Variants in BRF1 observed in about 807,000 individuals in gnomAD.
BRF1 encodes the protein transcription factor IIIB 90 kDa subunit.
A neutral mutation model predicts 81.7 loss-of-function variants in BRF1; 59 were observed. That is an observed-to-expected ratio of 0.72 (90% CI 0.59 to 0.90). BRF1 has a LOEUF of 0.90. BRF1 is among the 40% of genes least tolerant of loss of function. The probability of loss-of-function intolerance (pLI) is 0.00; values close to 1 mark genes in which losing one functional copy is unlikely to be tolerated. For synonymous variants in BRF1, 491 were observed against 395.6 expected (o/e 1.24, Z -2.86); for missense variants, 1,050 against 936.3 (o/e 1.12, Z -1.58).
chr14:105,219,359 A>C, intron 12 of BRF1, 127 bp from the exon 13 acceptor site: 1 of 1,512,296 alleles, frequency 6.6e-7, no homozygotes, highest in Non-Finnish European at 8.9e-7. Context: ...GCCTCTATTT[A>C]GTGCGGAGCC....
Position 105,210,939 on chromosome 14 carries a change from C to G in BRF1, c.1996+183G>C, listed in dbSNP as rs587721912. On this transcript the variant is annotated intron_variant, in intron 17 of 17. Transcript: ENST00000547530. This position sits in a 1 kb window ranked among gnomAD's most constrained non-coding sequence, Gnocchi z 4.7. The stretch of plus-strand genomic sequence containing the variant: ...CTCACCGTCCCTAGCCTCTCTGACC[C>G]TGGCTGCCTCCAACCTCACAATCGA... Among the ~76,000 whole-genome samples the G allele has an allele frequency of 1.3e-5, 2 of 152,330 alleles. No individual in the cohort carries two copies. The highest frequency in any genetic ancestry group is 1.3e-4 in the Admixed American group (2 of 15,310).
intron 10 of BRF1, among the ~76,000 whole-genome samples, chr14:105,224,393 C>T (rs1354461625): frequency 6.6e-6 from 1 of 152,138 alleles, no homozygotes; most frequent in African/African-American, 2.4e-5. Flanking sequence ...CCATGTGTAA[C>T]TGCTGCTCAC....
In BRF1 at chr14:105,228,912, C is replaced by G. The variant is rs142328073; in HGVS notation, c.696G>C (p.Ala232=). The change falls in exon 7 of 18, where the codon GCG becomes GCC. Residue 232 remains alanine, a splice_region_variant and synonymous_variant. Coordinates refer to ENST00000547530, the MANE Select transcript of BRF1 (RefSeq NM_001519.4). Reference sequence around the variant, plus strand: ...CATGCATTCTGGCTGCAACCAGGAGCGCTGGAAGGCAACGAGACGGGCCTC... The same window carrying G: ...CATGCATTCTGGCTGCAACCAGGAGGGCTGGAAGGCAACGAGACGGGCCTC... ...GRRPSGLCGA[A]LLVAARMHDF... The G allele has an allele frequency of 6.2e-7, 1 of 1,613,422 alleles. No homozygotes were observed. Among genetic ancestry groups the G allele is most frequent in the Non-Finnish European group, 8.5e-7 (1 of 1,179,964 alleles).
At chr14:105,241,628 C>A in intron 5 of BRF1, 1 of 636,990 alleles carries the variant, frequency 1.6e-6, no homozygotes, top group South Asian at 1.9e-5. Context: ...CTGCTGCCAG[C>A]CAGCCTGCTG....
chr14:105,280,188 G>A (rs587715082), intron 2 of BRF1, among the ~76,000 whole-genome samples: 2 of 152,370 alleles, frequency 1.3e-5, no homozygotes, highest in South Asian at 4.1e-4. Flanking sequence ...GCACCTAGGC[G>A]GTGGAATATT....
intron 1 of BRF1, among the ~76,000 whole-genome samples, chr14:105,298,556 G>A (rs1454603292): frequency 6.6e-6 from 1 of 152,186 alleles, no homozygotes; most frequent in Non-Finnish European, 1.5e-5. Flanking sequence ...ACAAAACATA[G>A]ATGGACCACA....
rs1157894612 is a variant in BRF1 at position 105,310,410 on chromosome 14, G to A, written c.-162+4912C>T. On this transcript the variant is annotated intron_variant, in intron 1 of 17. Transcript: ENST00000327359. ...CCAGGCGTGGTGGCAGGCGCCTGTAGTCCCCCCTACTCAGGAGGCTGAGGC... is the reference window on the plus strand; with the variant it reads ...CCAGGCGTGGTGGCAGGCGCCTGTAATCCCCCCTACTCAGGAGGCTGAGGC... 2.6e-5 allele frequency among the ~76,000 whole-genome samples: 4 copies of A among 151,646 alleles called. No individual in the cohort carries two copies. In the East Asian group the frequency reaches 5.9e-4, roughly 22 times the overall value.
intron 15 of BRF1, among the ~76,000 whole-genome samples, chr14:105,216,959 C>T (rs899465703): frequency 2.6e-5 from 4 of 152,206 alleles, no homozygotes; most frequent in Non-Finnish European, 2.9e-5. Flanking sequence ...CCCATGGCCT[C>T]GTCAGGAGAG....
At chr14:105,257,948 G>A (rs1197546539) in intron 3 of BRF1, among the ~76,000 whole-genome samples, 2 of 152,298 alleles carry the variant, frequency 1.3e-5, no homozygotes, top group South Asian at 2.1e-4. Flanking sequence ...GCACCACTCC[G>A]CACTGGTGGG....
chr14:105,254,861 C>T (rs2055791311), intron 4 of BRF1, among the ~76,000 whole-genome samples: 1 of 152,256 alleles, frequency 6.6e-6, no homozygotes, highest in Non-Finnish European at 1.5e-5. Context: ...CGCGCCCGGC[C>T]TAAATACATG....
intron 12 of BRF1, 142 bp from the exon 13 acceptor site, chr14:105,219,374 C>G (rs1891878272): frequency 6.8e-7 from 1 of 1,478,276 alleles, no homozygotes; most frequent in Non-Finnish European, 9.0e-7. Flanking sequence ...GGAGCCTGGG[C>G]TGAGGCCTCA....
chr14:105,294,320 G>A (rs767290839), intron 1 of BRF1, among the ~76,000 whole-genome samples: 1 of 152,186 alleles, frequency 6.6e-6, no homozygotes. Flanking sequence ...ACCTGACAGC[G>A]CTGGCTCTGA....
At chr14:105,214,046 C>A (rs1020964960) in intron 15 of BRF1, among the ~76,000 whole-genome samples, 1 of 152,236 alleles carries the variant, frequency 6.6e-6, no homozygotes, top group Non-Finnish European at 1.5e-5. Context: ...TGGGGCGCTG[C>A]GGCCCATTGT....
At chr14:105,229,044 G>A in intron 6 of BRF1, 131 bp from the exon 7 acceptor site, 2 of 805,442 alleles carry the variant, frequency 2.5e-6, no homozygotes, top group Non-Finnish European at 4.2e-6. Flanking sequence ...GTGCCAGGCA[G>A]TGAGACCCTC....
At chr14:105,278,801 T>C (rs1022195383) in intron 2 of BRF1, among the ~76,000 whole-genome samples, 3 of 151,728 alleles carry the variant, frequency 2.0e-5, no homozygotes, top group Admixed American at 6.6e-5. Flanking sequence ...TCCCAACACT[T>C]TGGGAGGCCG....
rs890121571 is a variant in BRF1, at chr14:105,292,707, A to G, written c.185-6331T>C. Among the ~76,000 whole-genome samples, 16 of 152,318 alleles carry G rather than the reference A, an allele frequency of 1.1e-4. No homozygotes were observed. The East Asian group carries it at 3.1e-3, about 29-fold the overall frequency. ...TACTGGTGGGGCTGGATGCAGTAGC[A>G]TCAGACATCTGGGAGGAGCACTGAC... On this transcript the variant is annotated intron_variant, in intron 1 of 17. Transcript: ENST00000547530.
In BRF1 at chr14:105,211,248, G is replaced by T. The variant is rs1183813909; in HGVS notation, c.1870C>A (p.Pro624Thr). The change falls in exon 17 of 18, where the codon CCC becomes ACC. Residue 624 changes from proline to threonine, a missense_variant. Pro to Thr is a conservative substitution (Grantham distance 38, BLOSUM62 -1). This residue lies in a region of BRF1 where 1,043 missense variants were observed against 915.4 expected (regional missense o/e 1.14). Coordinates refer to ENST00000547530, the MANE Select transcript of BRF1 (RefSeq NM_001519.4). ...SPTLGAEPAR[P>T]QAVLVESGPV... The stretch of plus-strand genomic sequence containing the variant: ...CCGCTCTCCACCAGCACCGCCTGGG[G>T]CCTGGCAGGCTCAGCTCCGAGGGTG... 9.3e-6 allele frequency: 15 copies of T among 1,609,046 alleles called. No homozygotes were observed. The highest frequency in any genetic ancestry group is 1.7e-5 in the Admixed American group (1 of 59,896).
At chr14:105,226,942 C>G in intron 7 of BRF1, 182 bp from the exon 8 acceptor site, 2 of 658,584 alleles carry the variant, frequency 3.0e-6, no homozygotes, top group Non-Finnish European at 4.8e-6. Context: ...GACTCTGTCT[C>G]TACCCAAAAA....
At chr14:105,218,853 C>T in intron 14 of BRF1, 145 bp downstream of exon 14, 1 of 1,179,444 alleles carries the variant, frequency 8.5e-7, no homozygotes, top group South Asian at 1.4e-5. Flanking sequence ...GGACGTGGGT[C>T]TGGGGTCCAG....
Sources: allele counts gnomAD v4.1 joint callset (sites outside exome capture counted in the v4.1 genomes callset), GRCh38; gene constraint gnomAD v4.1.1; regional missense constraint gnomAD v4.1.1; non-coding constraint Gnocchi (gnomAD v3.1); transcripts MANE v1.5; gene names NCBI Gene and HGNC (gene_info 2026-07-23, HGNC 2026-07-21).